The following PDE6G variants were observed in gnomAD, a reference collection of about 807,000 sequenced individuals.
The protein encoded by PDE6G is rod cGMP 3',5'-cyclic phosphodiesterase subunit gamma.
A neutral mutation model predicts 10.9 loss-of-function variants in PDE6G; 10 were observed. The ratio of observed to expected loss-of-function variants is 0.91; its 90% CI spans 0.56 to 1.55. The LOEUF (loss-of-function observed/expected upper bound fraction) is 1.55. Among genes scored for constraint, PDE6G ranks in the 40% most tolerant of loss-of-function variants. The pLI, the probability that PDE6G is intolerant of heterozygous loss-of-function variation, is 0.00. For synonymous variants in PDE6G, 41 were observed against 42.8 expected, an observed-to-expected ratio of 0.96 and a Z score of 0.16; for missense variants, 102 against 110.1, an observed-to-expected ratio of 0.93 and a Z score of 0.33.
upstream of PDE6G, among the ~76,000 whole-genome samples, chr17:81,659,342 T>C (rs2036487923): frequency 6.6e-6 from 1 of 151,864 alleles, no homozygotes; most frequent in Non-Finnish European, 1.5e-5. Flanking sequence ...GCATGGTGGC[T>C]CATCCCTGTA....
chr17:81,660,337 G>A (rs1392654877), upstream of PDE6G, among the ~76,000 whole-genome samples: 2 of 151,806 alleles, frequency 1.3e-5, no homozygotes, highest in East Asian at 1.9e-4. Context: ...TTTTGAACTC[G>A]GTAAGTGGAG....
chr17:81,657,885 G>A (rs11867395), upstream of PDE6G, among the ~76,000 whole-genome samples: 3,447 of 122,636 alleles, frequency 0.028, 117 homozygotes, highest in African/African-American at 0.13. Flanking sequence ...TGTTTCAAAT[G>A]AATAAATAAA....
At chr17:81,656,978 GA>G (rs1341909894), upstream of PDE6G, 2 of 261,722 alleles carry the variant, frequency 7.6e-6, no homozygotes, top group South Asian at 4.3e-5. Context: ...ACCAAACAAG[GA>G]CCCCCCCCCG....
In PDE6G at chr17:81,650,631, G is replaced by C. The variant is rs985941456; in HGVS notation, c.*443C>G. 6.6e-6 allele frequency: 3 copies of C among 454,712 alleles called. No individual in the cohort carries two copies. The highest frequency in any genetic ancestry group is 8.8e-6 in the Non-Finnish European group (2 of 227,300). 28.2% of individuals were successfully genotyped at this position (454,712 alleles called of 1,614,324 possible). ...GGGCACCCCCCTGGGAAGGGATGCA[G>C]AGACGGGGAGCTTCTCTGTATCCCC... On this transcript the variant is annotated 3_prime_UTR_variant, in exon 4 of 4. Coordinates refer to ENST00000331056, the MANE Select transcript of PDE6G (RefSeq NM_002602.4).
Position 81,651,827 on chromosome 17 carries a change from C to T in PDE6G, c.147-142G>A. The T allele has an allele frequency of 2.3e-6, 2 of 858,762 alleles. No homozygotes were observed. The highest frequency in any genetic ancestry group is 1.4e-5 in the South Asian group (1 of 70,354). The allele number at this position is 858,762 out of a possible 1,614,324, so 53.2% of individuals were successfully genotyped here. A position where few individuals can be genotyped will look rare whatever the true frequency, so the allele number is the denominator to read the frequency against. The stretch of plus-strand genomic sequence containing the variant: ...GGGCAGAGACCCGCCTCCTCCCCAA[C>T]CTCCCAGGGCTTGGCGCATCTGAGG... On this transcript the variant is annotated intron_variant, in intron 2 of 3. Coordinates refer to ENST00000331056, the MANE Select transcript of PDE6G (RefSeq NM_002602.4). The surrounding 1 kb of genome is among the most constrained non-coding windows in gnomAD (Gnocchi z 4.8).
upstream of PDE6G, among the ~76,000 whole-genome samples, chr17:81,661,439 A>G (rs2036509207): frequency 6.6e-6 from 1 of 152,136 alleles, no homozygotes; most frequent in Admixed American, 6.6e-5. Context: ...AAAGCCAGCC[A>G]GGCACAGTGG....
At chr17:81,662,172 ATGTGTCCACGTTG>A (rs1305758692) in intron 1 of PDE6G, among the ~76,000 whole-genome samples, 1 of 152,156 alleles carries the variant, frequency 6.6e-6, no homozygotes, top group Non-Finnish European at 1.5e-5. Flanking sequence ...TAAAAGCAAC[ATGTGTCCACGTTG>A]GGCACATGTT....
rs756354916 is a variant in PDE6G at position 81,651,065 on chromosome 17, G to T, written c.*9C>A. Reference sequence around the variant, plus strand: ...AGGGGGAGGGTCTGGACTTCAGCAGGGCCTCGTGCTAGATGATGCCATATT... The same window carrying T: ...AGGGGGAGGGTCTGGACTTCAGCAGTGCCTCGTGCTAGATGATGCCATATT... On this transcript the variant is annotated 3_prime_UTR_variant, in exon 4 of 4. Coordinates refer to ENST00000331056, the MANE Select transcript of PDE6G (RefSeq NM_002602.4). The surrounding 1 kb of genome is among the most constrained non-coding windows in gnomAD (Gnocchi z 4.8). The T allele has an allele frequency of 1.9e-6, 3 of 1,606,318 alleles. No homozygotes were observed. The highest frequency in any genetic ancestry group is 8.5e-7 in the Non-Finnish European group (1 of 1,172,922).
At position 81,650,816 on chromosome 17, in the gene PDE6G, G is replaced by A. The variant is rs1470182561; in HGVS notation, c.*258C>T. On this transcript the variant is annotated 3_prime_UTR_variant, in exon 4 of 4. Transcript: ENST00000331056. Reference sequence around the variant, plus strand: ...GTGGAGACCGACCAAGCCTCTCTGTGGGCAGGACTGAGGGGTGGGCCTGTA... The same window carrying A: ...GTGGAGACCGACCAAGCCTCTCTGTAGGCAGGACTGAGGGGTGGGCCTGTA... 1.9e-5 allele frequency: 11 copies of A among 578,544 alleles called. No individual in the cohort carries two copies. The highest frequency in any genetic ancestry group is 3.7e-5 in the African/African-American group (2 of 53,978). 35.8% of individuals were successfully genotyped at this position (578,544 alleles called of 1,614,324 possible). A position where few individuals can be genotyped will look rare whatever the true frequency, so the allele number is the denominator to read the frequency against.
chr17:81,657,748 G>C (rs1463448953), upstream of PDE6G, among the ~76,000 whole-genome samples: 1 of 151,974 alleles, frequency 6.6e-6, no homozygotes, highest in South Asian at 2.1e-4. Context: ...GGGCGTGGTG[G>C]CATGTACCTG....
In PDE6G at chr17:81,651,751, A is replaced by C; in HGVS notation, c.147-66T>G. 4 of 1,547,270 alleles carry C rather than the reference A, an allele frequency of 2.6e-6. No individual in the cohort carries two copies. ...CCTGGCTCAGTCAGCCTGAGGCCCG[A>C]GGTCATCTCTAGCCTTCCTAGGAGA... is the stretch of plus-strand genomic sequence containing the variant. On this transcript the variant is annotated intron_variant, in intron 2 of 3. Transcript: ENST00000331056. This position sits in a 1 kb window ranked among gnomAD's most constrained non-coding sequence, Gnocchi z 4.8.
At chr17:81,656,941 A>G, upstream of PDE6G, 1 of 352,288 alleles carries the variant, frequency 2.8e-6, no homozygotes. Context: ...CTCCCACCCC[A>G]GGGCCTTTGC....
In PDE6G at chr17:81,651,014, G is replaced by T. The variant is rs1243373254; in HGVS notation, c.*60C>A. ...GGCATCTCCTCAACAGGAATCCTGA[G>T]CAGGGTTTAGAGCACAGTGGGCAGG... is the stretch of plus-strand genomic sequence containing the variant. On this transcript the variant is annotated 3_prime_UTR_variant, in exon 4 of 4. Coordinates refer to ENST00000331056, the MANE Select transcript of PDE6G (RefSeq NM_002602.4). This position sits in a 1 kb window ranked among gnomAD's most constrained non-coding sequence, Gnocchi z 4.8. 1 of 1,266,088 alleles carries T rather than the reference G, an allele frequency of 7.9e-7. No individual in the cohort carries two copies. The highest frequency in any genetic ancestry group is 1.7e-5 in the Admixed American group (1 of 59,318). 78.4% of individuals were successfully genotyped at this position (1,266,088 alleles called of 1,614,324 possible).
chr17:81,652,145 G>A (rs2036367949), intron 2 of PDE6G, among the ~76,000 whole-genome samples: 1 of 151,418 alleles, frequency 6.6e-6, no homozygotes, highest in Non-Finnish European at 1.5e-5. Flanking sequence ...GGAGCGCGGT[G>A]CCTGTGTGCG....
upstream of PDE6G, among the ~76,000 whole-genome samples, chr17:81,661,106 G>C (rs2144414468): frequency 6.6e-6 from 1 of 152,316 alleles, no homozygotes; most frequent in East Asian, 1.9e-4. Context: ...TTGTTTTGTA[G>C]GCTGGGCATG....
rs765232501 is a variant in PDE6G at position 81,653,162 on chromosome 17, T to C, written c.144A>G (p.Gln48=). 3.7e-6 allele frequency: 6 copies of C among 1,612,348 alleles called. No individual in the cohort carries two copies. The highest frequency in any genetic ancestry group is 1.7e-5 in the Admixed American group (1 of 59,936). Residue 48 remains glutamine (Q), a splice_region_variant and synonymous_variant, in exon 2 of 4, where the codon CAA becomes CAG. Transcript: ENST00000331056. This position sits in a 1 kb window ranked among gnomAD's most constrained non-coding sequence, Gnocchi z 5.2. The part of the protein sequence containing the change: ...FKSKPPKKGV[Q]GFGDDIPGME... ...CCCCATCCCCCAGCTCTGCTTACCC[T>C]TGAACGCCTTTCTTTGGGGGCTTGC...
At chr17:81,658,829 ACT>A (rs2036482048), upstream of PDE6G, among the ~76,000 whole-genome samples, 1 of 152,154 alleles carries the variant, frequency 6.6e-6, no homozygotes, top group Non-Finnish European at 1.5e-5. Flanking sequence ...CAACAGTGAG[ACT>A]CTGTCTCAAA....
rs1381122675 is a variant in PDE6G at position 81,651,137 on chromosome 17, G to A, written c.201C>T (p.Ile67=). The change falls in exon 4 of 4, where the codon ATC becomes ATT. Residue 67 remains isoleucine, a synonymous_variant. Transcript: ENST00000331056. This position sits in a 1 kb window ranked among gnomAD's most constrained non-coding sequence, Gnocchi z 4.8. The part of the protein sequence containing the change: ...MEGLGTDITV[I]CPWEAFNHLE... ...GGTGGTTGAAGGCCTCCCAAGGGCA[G>A]ATGACTGTGATGTCTGTGGGAGAAA... The A allele has an allele frequency of 6.2e-7, 1 of 1,613,296 alleles. No individual in the cohort carries two copies. The highest frequency in any genetic ancestry group is 8.5e-7 in the Non-Finnish European group (1 of 1,179,226).
At chr17:81,661,858 C>CAA (rs33915100) in intron 1 of PDE6G, among the ~76,000 whole-genome samples, 977 of 65,104 alleles carry the variant, frequency 0.015, 25 homozygotes, top group African/African-American at 0.045. Context: ...GACTCTGTCT[C>CAA]AAAAAAAAAA....
Sources: gnomAD v4.1 joint callset for allele counts (sites outside exome capture counted in the v4.1 genomes callset) on GRCh38, gnomAD v4.1.1 for gene constraint, Gnocchi (gnomAD v3.1) non-coding constraint, MANE v1.5 for transcripts, NCBI Gene and HGNC (gene_info 2026-07-23, HGNC 2026-07-21) for gene names.